The following KCTD1 variants were observed in gnomAD, a reference collection of about 807,000 sequenced individuals.
The protein encoded by KCTD1 is BTB/POZ domain-containing protein KCTD1.
In KCTD1, 24 loss-of-function variants were observed where a neutral mutation model predicts 66.0. The ratio of observed to expected loss-of-function variants is 0.36; its 90% CI spans 0.26 to 0.51. The LOEUF is 0.51. Among genes scored for constraint, KCTD1 ranks in the 20% least tolerant of loss-of-function variants. The pLI is 0.95. For missense variants in KCTD1, 943 were observed against 1,205.2 expected (o/e 0.78, Z 3.22); for synonymous variants, 511 against 517.2 (o/e 0.99, Z 0.16).
At chr18:26,643,601 A>G (rs1987871912), upstream of KCTD1, among the ~76,000 whole-genome samples, 1 of 152,248 alleles carries the variant, frequency 6.6e-6, no homozygotes, top group Non-Finnish European at 1.5e-5. Context: ...TGGGAAGAGT[A>G]AAGAGATCTA....
chr18:26,487,086 T>A (rs1981956853), intron 2 of KCTD1, among the ~76,000 whole-genome samples: 1 of 152,192 alleles, frequency 6.6e-6, no homozygotes, highest in Non-Finnish European at 1.5e-5. Context: ...TACCCCTCCA[T>A]ACTCAGACAC....
intron 1 of KCTD1, among the ~76,000 whole-genome samples, chr18:26,653,817 ATGAG>A (rs1272602680): frequency 1.3e-5 from 2 of 152,256 alleles, no homozygotes; most frequent in Admixed American, 1.3e-4. Flanking sequence ...TCACTTCTGC[ATGAG>A]TAAGCTATTA....
chr18:26,525,430 A>G (rs1192774884), intron 1 of KCTD1, among the ~76,000 whole-genome samples: 1 of 152,208 alleles, frequency 6.6e-6, no homozygotes, highest in Non-Finnish European at 1.5e-5. Flanking sequence ...AATTCCCCAC[A>G]GCCTCCAGTG....
chr18:26,625,171 G>C (rs1987472072), intron 1 of KCTD1, among the ~76,000 whole-genome samples: 1 of 152,212 alleles, frequency 6.6e-6, no homozygotes, highest in Admixed American at 6.5e-5. Context: ...CCTTGTCTCA[G>C]ATGAGACCTT....
At position 26,499,440 on chromosome 18, in the gene KCTD1, G is replaced by A. The variant is rs1396177371; in HGVS notation, c.1988+1632C>T. On this transcript the variant is annotated intron_variant, in intron 2 of 4. Transcript: ENST00000580059. Reference sequence around the variant, plus strand: ...AGGTGGGGACTAAATAATACTAATAGATGACTAATACAATCATTTCATTTT... The same window carrying A: ...AGGTGGGGACTAAATAATACTAATAAATGACTAATACAATCATTTCATTTT... Among the ~76,000 whole-genome samples, 3 of 152,160 alleles carry A rather than the reference G, an allele frequency of 2.0e-5. No individual in the cohort carries two copies. The East Asian group carries it at 5.8e-4, about 29-fold the overall frequency.
intron 1 of KCTD1, among the ~76,000 whole-genome samples, chr18:26,586,865 A>G (rs1986485367): frequency 6.6e-6 from 1 of 152,200 alleles, no homozygotes; most frequent in South Asian, 2.1e-4. Flanking sequence ...GAAAAGTTTG[A>G]AGCTAGCAGA....
chr18:26,502,420 T>C (rs569270574), intron 1 of KCTD1, among the ~76,000 whole-genome samples: 1 of 152,340 alleles, frequency 6.6e-6, no homozygotes, highest in South Asian at 2.1e-4. Context: ...CTTGACCTCC[T>C]GGGCTCAGGC....
At chr18:26,639,288 C>T (rs758764184) in intron 1 of KCTD1, among the ~76,000 whole-genome samples, 2 of 152,102 alleles carry the variant, frequency 1.3e-5, no homozygotes, top group African/African-American at 2.4e-5. Flanking sequence ...CTGGAGAAGC[C>T]GGAGCCTAGA....
chr18:26,635,186 T>G (rs563984010), intron 1 of KCTD1, among the ~76,000 whole-genome samples: 19 of 152,310 alleles, frequency 1.2e-4, no homozygotes, highest in Non-Finnish European at 2.5e-4. Context: ...TTCTTGTCCC[T>G]TAAATGTTGT....
intron 1 of KCTD1, among the ~76,000 whole-genome samples, chr18:26,605,758 A>ATCTATCTATCTATCTG (rs1555646517): frequency 4.3e-4 from 62 of 144,542 alleles, no homozygotes; most frequent in African/African-American, 1.5e-3. Flanking sequence ...CTATCTATCT[A>ATCTATCTATCTATCTG]TCTATCTATC....
intron 1 of KCTD1, among the ~76,000 whole-genome samples, chr18:26,539,674 T>G (rs1984882008): frequency 1.3e-5 from 2 of 152,192 alleles, no homozygotes; most frequent in Admixed American, 6.5e-5. Context: ...CATTTACTCC[T>G]GCCTGGATCT....
chr18:26,554,135 GAAT>G (rs2144862671), intron 1 of KCTD1, among the ~76,000 whole-genome samples: 1 of 145,494 alleles, frequency 6.9e-6, no homozygotes, highest in African/African-American at 2.5e-5. Flanking sequence ...GAGAAAGAAA[GAAT>G]AATCAAGGGA....
At chr18:26,482,113 C>T (rs1021010723) in intron 2 of KCTD1, among the ~76,000 whole-genome samples, 5 of 152,198 alleles carry the variant, frequency 3.3e-5, no homozygotes, top group African/African-American at 1.2e-4. Flanking sequence ...GAGGTGGCTC[C>T]AGACCCCACC....
At chr18:26,510,221 C>A (rs1983266817) in intron 1 of KCTD1, among the ~76,000 whole-genome samples, 1 of 152,070 alleles carries the variant, frequency 6.6e-6, no homozygotes, top group African/African-American at 2.4e-5. Context: ...GAAAATGGGA[C>A]AAGATGCTAA....
intron 1 of KCTD1, among the ~76,000 whole-genome samples, chr18:26,587,048 C>T (rs1367542492): frequency 1.3e-5 from 2 of 152,220 alleles, no homozygotes. Flanking sequence ...GCAGATAAAA[C>T]AGCTTTCTAT....
chr18:26,651,765 C>T (rs1349635740), intron 1 of KCTD1, among the ~76,000 whole-genome samples: 1 of 113,094 alleles, frequency 8.8e-6, no homozygotes, highest in African/African-American at 3.6e-5. Context: ...GCCTGGGTGA[C>T]AGAGCAAAAC....
intron 1 of KCTD1, among the ~76,000 whole-genome samples, chr18:26,577,245 C>T (rs753095733): frequency 6.6e-5 from 10 of 152,210 alleles, no homozygotes; most frequent in Non-Finnish European, 1.5e-4. Flanking sequence ...CTTCATCATC[C>T]ATCACTGTCA....
At chr18:26,602,907 T>A (rs1336856515) in intron 1 of KCTD1, among the ~76,000 whole-genome samples, 3 of 152,208 alleles carry the variant, frequency 2.0e-5, no homozygotes, top group Admixed American at 2.0e-4. Flanking sequence ...AACAGCATAG[T>A]AGTGGTACAA....
chr18:26,579,078 A>G (rs1364945714), intron 1 of KCTD1, among the ~76,000 whole-genome samples: 1 of 152,124 alleles, frequency 6.6e-6, no homozygotes, highest in Non-Finnish European at 1.5e-5. Context: ...TACTGGATGC[A>G]TATACAAGAT....
Sources: gnomAD v4.1 joint callset for allele counts (sites outside exome capture counted in the v4.1 genomes callset) on GRCh38, gnomAD v4.1.1 for gene constraint, MANE v1.5 for transcripts, NCBI Gene and HGNC (gene_info 2026-07-23, HGNC 2026-07-21) for gene names.